GFRAL: variants seen among roughly 807,000 people sequenced by gnomAD.
GFRAL encodes GDNF family receptor alpha like.
Under a neutral mutation model 45.4 loss-of-function variants are expected in GFRAL, and 36 were observed. The ratio of observed to expected loss-of-function variants is 0.79; its 90% CI spans 0.61 to 1.05. GFRAL has a LOEUF of 1.05. Among genes scored for constraint, GFRAL ranks in the 50% least tolerant of loss-of-function variants. The pLI, the probability that GFRAL is intolerant of heterozygous loss-of-function variation, is 0.00. For synonymous variants in GFRAL, 166 were observed against 154.1 expected, an observed-to-expected ratio of 1.08 and a Z score of -0.57; for missense variants, 507 against 467.5, an observed-to-expected ratio of 1.08 and a Z score of -0.78.
chr6:55,357,311 C>T (rs1214483567), intron 5 of GFRAL, among the ~76,000 whole-genome samples: 2 of 151,630 alleles, frequency 1.3e-5, no homozygotes, highest in Admixed American at 1.3e-4. Context: ...CTCTTTAGGT[C>T]TAATACTATT....
At chr6:55,339,120 TAATC>T (rs1767927826) in intron 3 of GFRAL, among the ~76,000 whole-genome samples, 1 of 152,150 alleles carries the variant, frequency 6.6e-6, no homozygotes, top group South Asian at 2.1e-4. Flanking sequence ...TTATGAATAA[TAATC>T]AATAGGAATT....
intron 6 of GFRAL, among the ~76,000 whole-genome samples, chr6:55,368,157 C>T (rs1309491740): frequency 1.3e-5 from 2 of 150,872 alleles, no homozygotes; most frequent in African/African-American, 2.4e-5. Flanking sequence ...ATTCTTTTTT[C>T]TCTAAACTTC....
chr6:55,369,087 C>T (rs1241156962), intron 6 of GFRAL, among the ~76,000 whole-genome samples: 1 of 151,186 alleles, frequency 6.6e-6, no homozygotes, highest in Middle Eastern at 3.2e-3. Flanking sequence ...TGCTAGCAAT[C>T]AGCGAGACTC....
At chr6:55,333,693 T>G in intron 2 of GFRAL, 93 bp from the exon 3 acceptor site, 1 of 670,328 alleles carries the variant, frequency 1.5e-6, no homozygotes, top group Non-Finnish European at 2.3e-6. Flanking sequence ...ATTAATTAAT[T>G]ATTCAGGTTA....
chr6:55,342,292 C>G (rs570221089), intron 3 of GFRAL, among the ~76,000 whole-genome samples: 1 of 152,288 alleles, frequency 6.6e-6, no homozygotes, highest in South Asian at 2.1e-4. Context: ...GGGTTACCCA[C>G]AAAGGGAGGC....
intron 1 of GFRAL, 23 bp from the exon 2 acceptor site, chr6:55,331,692 T>A (rs761967739): frequency 5.7e-6 from 9 of 1,590,664 alleles, no homozygotes; most frequent in Non-Finnish European, 6.8e-6. Context: ...ATTACAACCT[T>A]GTTTTTGTTG....
At chr6:55,347,559 G>A (rs1460198042) in intron 3 of GFRAL, among the ~76,000 whole-genome samples, 1 of 151,934 alleles carries the variant, frequency 6.6e-6, no homozygotes, top group Non-Finnish European at 1.5e-5. Context: ...AAAGAGGGAG[G>A]CACAACCCGA....
In GFRAL at chr6:55,361,704, G is replaced by A. The variant is rs115059379; in HGVS notation, c.952+2566G>A. 9.7e-3 allele frequency among the ~76,000 whole-genome samples: 1,467 copies of A among 152,006 alleles called. 25 individuals are homozygous for A. The highest frequency in any genetic ancestry group is 0.033 in the African/African-American group (1,389 of 41,478). On this transcript the variant is annotated intron_variant, in intron 6 of 8. Transcript: ENST00000340465. ...CCTTTATCCATTGCCTCAAATATAT[G>A]AAAGTAGCACAAGGACATTTGCTGA...
At chr6:55,355,690 A>T (rs1008429822) in intron 5 of GFRAL, among the ~76,000 whole-genome samples, 1 of 151,852 alleles carries the variant, frequency 6.6e-6, no homozygotes, top group African/African-American at 2.4e-5. Flanking sequence ...CTACCTTTCT[A>T]ATTTGGATGC....
intron 5 of GFRAL, among the ~76,000 whole-genome samples, chr6:55,353,050 T>C (rs933946686): frequency 6.6e-6 from 1 of 151,898 alleles, no homozygotes; most frequent in African/African-American, 2.4e-5. Context: ...TAGGAAAACA[T>C]GTATGTGGCA....
At chr6:55,397,835 A>G (rs992586292) in intron 6 of GFRAL, among the ~76,000 whole-genome samples, 1 of 152,190 alleles carries the variant, frequency 6.6e-6, no homozygotes, top group African/African-American at 2.4e-5. Flanking sequence ...ATTCTGGTCA[A>G]TGACAGACAG....
intron 2 of GFRAL, 72 bp from the exon 3 acceptor site, chr6:55,333,714 A>T (rs1459617120): frequency 1.6e-5 from 15 of 940,806 alleles, no homozygotes; most frequent in Non-Finnish European, 2.1e-5. Context: ...ATATGTTAAA[A>T]GTACTTTGGG....
chr6:55,356,761 T>G (rs1235089511), intron 5 of GFRAL, among the ~76,000 whole-genome samples: 4 of 151,862 alleles, frequency 2.6e-5, no homozygotes, highest in Non-Finnish European at 5.9e-5. Flanking sequence ...CTTGCTTTTC[T>G]AGTTCTTTAA....
intron 6 of GFRAL, among the ~76,000 whole-genome samples, chr6:55,369,800 T>C (rs928980951): frequency 2.0e-5 from 3 of 152,248 alleles, no homozygotes; most frequent in African/African-American, 4.8e-5. Context: ...AGTGACTTGT[T>C]GGAGATATTC....
At chr6:55,397,214 T>C (rs914641001) in intron 6 of GFRAL, among the ~76,000 whole-genome samples, 80 of 152,112 alleles carry the variant, frequency 5.3e-4, no homozygotes, top group African/African-American at 1.9e-3. Context: ...AATTGGAGAC[T>C]AAAACTATTT....
At chr6:55,393,138 A>T (rs1768776467) in intron 6 of GFRAL, among the ~76,000 whole-genome samples, 1 of 152,046 alleles carries the variant, frequency 6.6e-6, no homozygotes, top group Non-Finnish European at 1.5e-5. Context: ...GCCTGCACAC[A>T]TTTTATAAAT....
rs565647383 is a variant in GFRAL, at chr6:55,374,295, T to C, written c.952+15157T>C. On this transcript the variant is annotated intron_variant, in intron 6 of 8. Coordinates refer to ENST00000340465, the MANE Select transcript of GFRAL (RefSeq NM_207410.2). ...TGGGATTGCTGGGTCAAATGGTATC[T>C]CTGCTTCTAGATCCTTGAGGAATTG... is the stretch of plus-strand genomic sequence containing the variant. Among the ~76,000 whole-genome samples, 10 of 152,256 alleles carry C rather than the reference T, an allele frequency of 6.6e-5. 1 individual carries two copies. In the South Asian group the frequency reaches 2.1e-3, roughly 32 times the overall value.
chr6:55,382,076 T>G (rs1319712542), intron 6 of GFRAL, among the ~76,000 whole-genome samples: 2 of 151,890 alleles, frequency 1.3e-5, no homozygotes, highest in Non-Finnish European at 2.9e-5. Context: ...AAAAGCTTCT[T>G]GGTTTTCCAA....
At chr6:55,339,188 G>T (rs1195799230) in intron 3 of GFRAL, among the ~76,000 whole-genome samples, 1 of 152,158 alleles carries the variant, frequency 6.6e-6, no homozygotes, top group Non-Finnish European at 1.5e-5. Flanking sequence ...ATCTCCAGGT[G>T]GCTGGCTTGG....
Sources: allele counts gnomAD v4.1 joint callset (sites outside exome capture counted in the v4.1 genomes callset), GRCh38; gene constraint gnomAD v4.1.1; transcripts MANE v1.5; gene names NCBI Gene and HGNC (gene_info 2026-07-23, HGNC 2026-07-21).